The following CHCHD6 variants were observed in gnomAD, a reference collection of about 807,000 sequenced individuals.
CHCHD6 encodes MICOS complex subunit MIC25.
Under a neutral mutation model 32.3 loss-of-function variants are expected in CHCHD6, and 28 were observed. The ratio of observed to expected loss-of-function variants is 0.87; its 90% CI spans 0.64 to 1.19. CHCHD6 has a LOEUF of 1.19. Among genes scored for constraint, CHCHD6 ranks in the 50% most tolerant of loss-of-function variants. CHCHD6 has a pLI of 0.00. For synonymous variants in CHCHD6, 122 were observed against 117.5 expected, an observed-to-expected ratio of 1.04 and a Z score of -0.25; for missense variants, 333 against 307.0, an observed-to-expected ratio of 1.08 and a Z score of -0.63.
Position 126,704,275 on chromosome 3 carries a change from C to A in CHCHD6, c.-38C>A. On this transcript the variant is annotated 5_prime_UTR_variant, in exon 1 of 8. Coordinates refer to ENST00000290913, the MANE Select transcript of CHCHD6 (RefSeq NM_032343.3). ...TGGCCCGGTTGCTCTGGAGCCGGGTCTCGGGTCTGGTGGCTGCCGGCCCTG... is the reference window on the plus strand; with the variant it reads ...TGGCCCGGTTGCTCTGGAGCCGGGTATCGGGTCTGGTGGCTGCCGGCCCTG... 6.4e-7 allele frequency: 1 copy of A among 1,559,416 alleles called. No individual in the cohort carries two copies.
intron 4 of CHCHD6, among the ~76,000 whole-genome samples, chr3:126,803,520 C>G (rs981989480): frequency 5.3e-5 from 8 of 152,166 alleles, no homozygotes; most frequent in African/African-American, 7.2e-5. Context: ...GCTAACTATC[C>G]TAAATATATC....
chr3:126,881,445 C>T (rs879686310), intron 5 of CHCHD6, among the ~76,000 whole-genome samples: 1 of 152,216 alleles, frequency 6.6e-6, no homozygotes, highest in Non-Finnish European at 1.5e-5. Flanking sequence ...CCCAAGCCCC[C>T]CATTGAGCAG....
chr3:126,735,220 C>A (rs746381794), intron 4 of CHCHD6, among the ~76,000 whole-genome samples: 1 of 152,122 alleles, frequency 6.6e-6, no homozygotes, highest in African/African-American at 2.4e-5. Context: ...TTCGTTCTCA[C>A]CTGGAATGTA....
rs1200605332 is a variant in CHCHD6 at position 126,937,070 on chromosome 3, AC to A, written c.567-20344del. ...GGTCATGTGGGTAGAGAGCTGGGCA[AC>A]CAGTGTTGTTCTGGCATAATGCCCT... On this transcript the variant is annotated intron_variant, in intron 6 of 7. Coordinates refer to ENST00000290913, the MANE Select transcript of CHCHD6 (RefSeq NM_032343.3). Among the ~76,000 whole-genome samples the A allele has an allele frequency of 2.6e-5, 4 of 152,234 alleles. No individual in the cohort carries two copies. The East Asian group carries it at 7.7e-4, about 29-fold the overall frequency.
chr3:126,725,840 G>C (rs1427860075), intron 1 of CHCHD6, among the ~76,000 whole-genome samples: 3 of 152,184 alleles, frequency 2.0e-5, no homozygotes, highest in African/African-American at 7.2e-5. Context: ...TTCTTCTGCA[G>C]CTTCCTCACC....
At chr3:126,915,980 G>GT (rs66519135) in intron 6 of CHCHD6, among the ~76,000 whole-genome samples, 143,505 of 152,174 alleles carry the variant, frequency 0.94, 68,189 homozygotes, top group East Asian at 1. Context: ...TAGAGATGGG[G>GT]TTCACCATGT....
intron 1 of CHCHD6, among the ~76,000 whole-genome samples, chr3:126,706,058 G>A (rs1216617620): frequency 6.6e-6 from 1 of 152,176 alleles, no homozygotes; most frequent in Non-Finnish European, 1.5e-5. Context: ...CGAGAGGGAG[G>A]AACCTGAATT....
intron 4 of CHCHD6, among the ~76,000 whole-genome samples, chr3:126,808,649 A>G (rs892360392): frequency 6.6e-6 from 1 of 152,166 alleles, no homozygotes; most frequent in Non-Finnish European, 1.5e-5. Context: ...TTTTGGCATT[A>G]TTAACTGAAG....
chr3:126,784,971 G>A (rs1938126921), intron 4 of CHCHD6, among the ~76,000 whole-genome samples: 1 of 151,904 alleles, frequency 6.6e-6, no homozygotes. Flanking sequence ...CCTGCTTCTA[G>A]TGGTTTAGAA....
At chr3:126,754,804 G>A (rs993436994) in intron 4 of CHCHD6, among the ~76,000 whole-genome samples, 1 of 152,152 alleles carries the variant, frequency 6.6e-6, no homozygotes, top group African/African-American at 2.4e-5. Flanking sequence ...ACCTGTTTAG[G>A]AGCCCTGGAG....
intron 2 of CHCHD6, 25 bp from the exon 3 acceptor site, chr3:126,730,536 G>A: frequency 1.9e-6 from 3 of 1,608,308 alleles, no homozygotes; most frequent in Non-Finnish European, 2.6e-6. Flanking sequence ...CCACTGACAG[G>A]CCCTTTCTTC....
At chr3:126,953,829 G>T (rs1320990729) in intron 6 of CHCHD6, among the ~76,000 whole-genome samples, 2 of 152,178 alleles carry the variant, frequency 1.3e-5, no homozygotes, top group African/African-American at 2.4e-5. Flanking sequence ...TGGCAAGTTT[G>T]TGGCACACTT....
intron 1 of CHCHD6, among the ~76,000 whole-genome samples, chr3:126,714,165 C>A (rs1298049296): frequency 6.6e-6 from 1 of 151,460 alleles, no homozygotes; most frequent in Non-Finnish European, 1.5e-5. Context: ...GGAAAGTCTG[C>A]CATTCTTGTG....
intron 5 of CHCHD6, among the ~76,000 whole-genome samples, chr3:126,896,424 G>A (rs2077840258): frequency 6.6e-6 from 1 of 152,120 alleles, no homozygotes; most frequent in African/African-American, 2.4e-5. Flanking sequence ...GTCAGCTCCT[G>A]GCCAGGTCTC....
intron 4 of CHCHD6, among the ~76,000 whole-genome samples, chr3:126,801,135 G>A (rs558904523): frequency 2.0e-5 from 3 of 152,364 alleles, no homozygotes; most frequent in South Asian, 4.1e-4. Flanking sequence ...CGTGAGCGAC[G>A]CAGAAGATGG....
At chr3:126,891,587 T>G (rs1347950217) in intron 5 of CHCHD6, among the ~76,000 whole-genome samples, 1 of 152,038 alleles carries the variant, frequency 6.6e-6, no homozygotes, top group African/African-American at 2.4e-5. Flanking sequence ...GCAGCTGCCT[T>G]GAGGAGGGTA....
chr3:126,742,322 A>C (rs377527939), intron 4 of CHCHD6, among the ~76,000 whole-genome samples: 1 of 152,254 alleles, frequency 6.6e-6, no homozygotes, highest in South Asian at 2.1e-4. Flanking sequence ...GACTCTCAGG[A>C]GGGCTGCTGC....
At chr3:126,925,158 C>A (rs768404038) in intron 6 of CHCHD6, among the ~76,000 whole-genome samples, 1 of 152,204 alleles carries the variant, frequency 6.6e-6, no homozygotes. Context: ...TGTCCTGTCA[C>A]CACGAATAAT....
chr3:126,934,800 C>T (rs549636604), intron 6 of CHCHD6, among the ~76,000 whole-genome samples: 3 of 152,106 alleles, frequency 2.0e-5, no homozygotes, highest in Non-Finnish European at 2.9e-5. Context: ...CCGCCCGCCT[C>T]GGCCTCCCAG....
Sources: gnomAD v4.1 joint callset for allele counts (sites outside exome capture counted in the v4.1 genomes callset) on GRCh38, gnomAD v4.1.1 for gene constraint, MANE v1.5 for transcripts, NCBI Gene and HGNC (gene_info 2026-07-23, HGNC 2026-07-21) for gene names.